Variants in HHAT observed in about 807,000 individuals in gnomAD.
The protein encoded by HHAT is hedgehog acyltransferase, also known as protein-cysteine N-palmitoyltransferase HHAT.
A neutral mutation model predicts 70.8 loss-of-function variants in HHAT; 47 were observed. The observed-to-expected ratio is 0.66, with a 90% confidence interval of 0.53 to 0.85. The LOEUF (loss-of-function observed/expected upper bound fraction) is 0.85. HHAT is among the 40% of genes least tolerant of loss of function. The pLI is 0.00. For missense variants in HHAT, 609 were observed against 604.8 expected, an observed-to-expected ratio of 1.01 and a Z score of -0.07; for synonymous variants, 228 against 247.6, an observed-to-expected ratio of 0.92 and a Z score of 0.74.
chr1:210,558,130 GT>G (rs1229194362), intron 9 of HHAT, among the ~76,000 whole-genome samples: 2 of 152,158 alleles, frequency 1.3e-5, no homozygotes, highest in African/African-American at 2.4e-5. Context: ...GTGGCAGAGA[GT>G]TTTTCGTTAC....
intron 7 of HHAT, among the ~76,000 whole-genome samples, chr1:210,460,952 A>G (rs1171463221): frequency 6.6e-6 from 1 of 152,214 alleles, no homozygotes; most frequent in Non-Finnish European, 1.5e-5. Context: ...TGTGTAATAC[A>G]TGAACTCATA....
intron 6 of HHAT, among the ~76,000 whole-genome samples, chr1:210,410,442 C>CT (rs1415079424): frequency 0.031 from 4,220 of 137,044 alleles, 66 homozygotes; most frequent in South Asian, 0.073. Context: ...GATGAAAAAC[C>CT]TTTTGTTTTT....
intron 9 of HHAT, among the ~76,000 whole-genome samples, chr1:210,577,872 C>G (rs1367696846): frequency 6.6e-6 from 1 of 151,952 alleles, no homozygotes. Context: ...TCTTGAACTC[C>G]TGACCTCATG....
intron 6 of HHAT, among the ~76,000 whole-genome samples, chr1:210,416,337 A>G (rs933317228): frequency 4.6e-5 from 7 of 152,162 alleles, no homozygotes; most frequent in African/African-American, 1.7e-4. Context: ...CATTTCCTCT[A>G]CCGGCTAATG....
intron 9 of HHAT, among the ~76,000 whole-genome samples, chr1:210,554,123 A>G (rs536980190): frequency 2.5e-4 from 34 of 134,716 alleles, no homozygotes; most frequent in Admixed American, 1.6e-3. Flanking sequence ...CATTTTAAGA[A>G]AGAGAGTAAT....
chr1:210,515,594 A>G (rs1361720309), intron 9 of HHAT, among the ~76,000 whole-genome samples: 2 of 151,470 alleles, frequency 1.3e-5, no homozygotes, highest in East Asian at 3.9e-4. Context: ...TGTCTCTACT[A>G]AAAATACAAA....
At chr1:210,491,352 G>A (rs12133643) in intron 8 of HHAT, among the ~76,000 whole-genome samples, 13,407 of 152,038 alleles carry the variant, frequency 0.088, 660 homozygotes, top group South Asian at 0.12. Context: ...CCTAACACCC[G>A]TGGCTCCCTA....
At chr1:210,364,699 CT>C (rs1307260703) in intron 3 of HHAT, among the ~76,000 whole-genome samples, 1 of 152,234 alleles carries the variant, frequency 6.6e-6, no homozygotes, top group Non-Finnish European at 1.5e-5. Flanking sequence ...GCTCTTGTCA[CT>C]TCACTGGGTC....
At chr1:210,359,763 A>T (rs1207133307) in intron 2 of HHAT, among the ~76,000 whole-genome samples, 2 of 152,084 alleles carry the variant, frequency 1.3e-5, no homozygotes, top group East Asian at 1.9e-4. Flanking sequence ...GCCACTTGAG[A>T]GTCTGAGGCA....
intron 9 of HHAT, among the ~76,000 whole-genome samples, chr1:210,552,996 T>C (rs1242501332): frequency 6.6e-6 from 1 of 152,200 alleles, no homozygotes; most frequent in East Asian, 1.9e-4. Flanking sequence ...GTGCCTGTGT[T>C]GAAGAGTTAA....
intron 10 of HHAT, among the ~76,000 whole-genome samples, chr1:210,615,361 A>G (rs981637850): frequency 9.2e-5 from 14 of 152,036 alleles, no homozygotes; most frequent in Admixed American, 4.6e-4. Context: ...CAATGTTTTT[A>G]ACTTCTTTGC....
chr1:210,643,391 C>T (rs556578350), intron 11 of HHAT, among the ~76,000 whole-genome samples: 1 of 152,146 alleles, frequency 6.6e-6, no homozygotes. Context: ...TTGGTACATC[C>T]CTTGATTTAT....
At chr1:210,507,597 G>C (rs1233481783) in intron 8 of HHAT, among the ~76,000 whole-genome samples, 1 of 151,892 alleles carries the variant, frequency 6.6e-6, no homozygotes. Context: ...TTGACCTTGT[G>C]ATCTACCTGC....
intron 8 of HHAT, among the ~76,000 whole-genome samples, chr1:210,501,231 T>C (rs7513126): frequency 0.072 from 11,027 of 152,334 alleles, 1,105 homozygotes; most frequent in East Asian, 0.36. Context: ...ATTCATTAAA[T>C]GGATTTCTTT....
intron 1 of HHAT, among the ~76,000 whole-genome samples, chr1:210,341,289 A>T (rs1488040422): frequency 6.6e-6 from 1 of 152,226 alleles, no homozygotes; most frequent in African/African-American, 2.4e-5. Context: ...CTTGATATCA[A>T]GATTTAAAAG....
chr1:210,539,579 A>T (rs1197876932), intron 9 of HHAT, among the ~76,000 whole-genome samples: 7 of 152,162 alleles, frequency 4.6e-5, no homozygotes, highest in Admixed American at 4.6e-4. Flanking sequence ...GGATTTTGGG[A>T]TAGAGAAAAT....
At chr1:210,621,468 G>A (rs1668817614) in intron 10 of HHAT, among the ~76,000 whole-genome samples, 1 of 152,048 alleles carries the variant, frequency 6.6e-6, no homozygotes, top group African/African-American at 2.4e-5. Context: ...AATCCATTTT[G>A]GATCTTCCTC....
intron 8 of HHAT, among the ~76,000 whole-genome samples, chr1:210,511,713 C>T (rs1269155897): frequency 2.0e-5 from 3 of 151,860 alleles, no homozygotes; most frequent in African/African-American, 7.3e-5. Flanking sequence ...GCAACCACCA[C>T]CCGTTAGGTG....
intron 9 of HHAT, among the ~76,000 whole-genome samples, chr1:210,540,475 A>G (rs1157230504): frequency 5.8e-5 from 6 of 103,628 alleles, no homozygotes; most frequent in African/African-American, 1.7e-4. Context: ...ACACACGCAC[A>G]CACATGCACA....
Sources: gnomAD v4.1 joint callset for allele counts (sites outside exome capture counted in the v4.1 genomes callset) on GRCh38, gnomAD v4.1.1 for gene constraint, MANE v1.5 for transcripts, NCBI Gene and HGNC (gene_info 2026-07-23, HGNC 2026-07-21) for gene names.